SRSF11: variants seen among roughly 807,000 people sequenced by gnomAD.
SRSF11 encodes serine/arginine-rich splicing factor 11.
SRSF11 carries 9 observed loss-of-function variants against 56.0 expected under a neutral mutation model. The ratio of observed to expected loss-of-function variants is 0.16; its 90% CI spans 0.10 to 0.28. The LOEUF (loss-of-function observed/expected upper bound fraction) is 0.28, where lower values mean the gene tolerates loss of function less well. Among genes scored for constraint, SRSF11 ranks in the 10% least tolerant of loss-of-function variants. The pLI is 1.00. For synonymous variants in SRSF11, 222 were observed against 215.3 expected (o/e 1.03, Z -0.27); for missense variants, 421 against 600.7 (o/e 0.70, Z 3.13).
chr1:70,234,297 A>G (rs1259948113), intron 3 of SRSF11, among the ~76,000 whole-genome samples: 1 of 152,248 alleles, frequency 6.6e-6, no homozygotes, highest in Non-Finnish European at 1.5e-5. Context: ...AGCACAAAAC[A>G]GCAGGGCAAA....
intron 5 of SRSF11, among the ~76,000 whole-genome samples, chr1:70,235,817 G>A (rs964280588): frequency 1.3e-5 from 2 of 152,186 alleles, no homozygotes; most frequent in African/African-American, 2.4e-5. Context: ...GGACAACTTC[G>A]TTTGAAGATC....
chr1:70,231,393 T>G, intron 2 of SRSF11: 24 of 1,060,662 alleles, frequency 2.3e-5, no homozygotes, highest in Non-Finnish European at 2.7e-5. Flanking sequence ...ATATTTGTTT[T>G]AGGACCCTTA....
At chr1:70,234,128 G>A (rs927157938) in intron 3 of SRSF11, among the ~76,000 whole-genome samples, 4 of 152,130 alleles carry the variant, frequency 2.6e-5, no homozygotes, top group African/African-American at 7.2e-5. Flanking sequence ...GGGCTACTGG[G>A]TGTTTGACAT....
chr1:70,251,694 A>G lies in SRSF11; in HGVS notation c.*889A>G, dbSNP rs533454572. 2 of 152,700 alleles carry G rather than the reference A, an allele frequency of 1.3e-5. No individual in the cohort carries two copies. Among genetic ancestry groups the G allele is most frequent in the East Asian group, 3.9e-4 (2 of 5,184 alleles). 9.5% of individuals were successfully genotyped at this position (152,700 alleles called of 1,614,324 possible). A position where few individuals can be genotyped will look rare whatever the true frequency, so the allele number is the denominator to read the frequency against. ...ATTTGTTTTAAGCTCCGTGTTGGAA[A>G]AAAGGGGTAGTGCATTTTAAATTGA... On this transcript the variant is annotated 3_prime_UTR_variant, in exon 12 of 12. Coordinates refer to ENST00000370949, the MANE Select transcript of SRSF11 (RefSeq NM_001350605.2).
intron 2 of SRSF11, chr1:70,228,875 G>C (rs899341205): frequency 9.4e-7 from 1 of 1,068,068 alleles, no homozygotes; most frequent in African/African-American, 1.7e-5. Context: ...AAGCCCTGAA[G>C]GTAAATGATT....
At chr1:70,241,998 C>T (rs944271465) in intron 7 of SRSF11, among the ~76,000 whole-genome samples, 58 of 152,206 alleles carry the variant, frequency 3.8e-4, no homozygotes, top group African/African-American at 1.4e-3. Context: ...GAAACCCCGT[C>T]TCTCCTAAAA....
chr1:70,234,928 A>G, intron 4 of SRSF11, 140 bp downstream of exon 4: 1 of 621,300 alleles, frequency 1.6e-6, no homozygotes, highest in Non-Finnish European at 2.7e-6. Flanking sequence ...TCAGAGCTTT[A>G]AACAGTCACT....
At chr1:70,249,759 C>T in intron 9 of SRSF11, 193 bp from the exon 10 acceptor site, 1 of 529,298 alleles carries the variant, frequency 1.9e-6, no homozygotes, top group Non-Finnish European at 3.4e-6. Context: ...AGAGTTTCAC[C>T]ATGTTGCCCA....
chr1:70,215,090 G>A (rs908042395), intron 1 of SRSF11, among the ~76,000 whole-genome samples: 4 of 151,808 alleles, frequency 2.6e-5, no homozygotes, highest in Admixed American at 1.3e-4. Flanking sequence ...TAGAGGCGGG[G>A]TTTCGTCATT....
upstream of SRSF11, among the ~76,000 whole-genome samples, chr1:70,219,495 A>G (rs931496604): frequency 3.9e-5 from 6 of 152,174 alleles, no homozygotes; most frequent in Admixed American, 6.5e-5. Flanking sequence ...TAGACCATCA[A>G]TTTTTTTCCA....
chr1:70,217,602 T>G (rs1343518722), upstream of SRSF11, among the ~76,000 whole-genome samples: 1 of 152,192 alleles, frequency 6.6e-6, no homozygotes, highest in African/African-American at 2.4e-5. Context: ...AAGAAATTTG[T>G]GAGTTTTTTG....
chr1:70,244,784 G>A lies in SRSF11; in HGVS notation c.901G>A (p.Gly301Ser), dbSNP rs775320802. The A allele has an allele frequency of 1.4e-5, 22 of 1,614,000 alleles. No homozygotes were observed. Among genetic ancestry groups the A allele is most frequent in the South Asian group, 2.2e-5 (2 of 91,088 alleles). ...GAGAAGATCTCATTCCAGAGAAAGA[G>A]GTAGAAGGTCAAGGAGCACATCAAA... ...RRRRSHSRER[G>S]RRSRSTSKTR... The change falls in exon 8 of 12, where the codon GGT becomes AGT. Residue 301 changes from glycine to serine, a missense_variant. Gly to Ser is a moderately conservative substitution (Grantham distance 56). This residue lies in a region of SRSF11 where 253 missense variants were observed against 305.8 expected (regional missense o/e 0.83). Transcript: ENST00000370949.
chr1:70,224,711 C>T lies in SRSF11; in HGVS notation c.203+2872C>T, dbSNP rs996516943. 3.9e-5 allele frequency among the ~76,000 whole-genome samples: 6 copies of T among 152,272 alleles called. No homozygotes were observed. The East Asian group carries it at 5.8e-4, about 15-fold the overall frequency. On this transcript the variant is annotated intron_variant, in intron 1 of 11. Coordinates refer to ENST00000370949, the MANE Select transcript of SRSF11 (RefSeq NM_001350605.2). ...CCAGAATTTCTGGCCTGTAATTTTACTGAGAAATAGAAATACTATCTTTAC... is the reference window on the plus strand; with the variant it reads ...CCAGAATTTCTGGCCTGTAATTTTATTGAGAAATAGAAATACTATCTTTAC...
At chr1:70,245,923 G>A (rs568046653) in intron 8 of SRSF11, among the ~76,000 whole-genome samples, 1 of 152,104 alleles carries the variant, frequency 6.6e-6, no homozygotes, top group African/African-American at 2.4e-5. Flanking sequence ...AGGCATGACT[G>A]GGACCTACTA....
Position 70,228,567 on chromosome 1 carries a change from G to A in SRSF11, c.337+12G>A. The A allele has an allele frequency of 6.2e-7, 1 of 1,609,790 alleles. No individual in the cohort carries two copies. The highest frequency in any genetic ancestry group is 8.5e-7 in the Non-Finnish European group (1 of 1,177,880). On this transcript the variant is annotated intron_variant, in intron 2 of 11. Transcript: ENST00000370949. ...ACCATATGCAGAAGGTTTGTGCTTT[G>A]TTTAACTACCTATGTGGGCATCCTA...
intron 1 of SRSF11, among the ~76,000 whole-genome samples, chr1:70,208,347 TGA>T (rs989796195): frequency 1.7e-4 from 26 of 152,134 alleles, no homozygotes; most frequent in African/African-American, 5.8e-4. Context: ...TGTGTGTGTG[TGA>T]GTGAGATGGA....
At chr1:70,226,471 A>G (rs552469881) in intron 1 of SRSF11, among the ~76,000 whole-genome samples, 16 of 152,186 alleles carry the variant, frequency 1.1e-4, no homozygotes, top group South Asian at 2.1e-4. Flanking sequence ...AAAGAATACA[A>G]TTTGAGCACG....
At chr1:70,229,089 C>T (rs1246215380) in intron 2 of SRSF11, 2 of 1,129,214 alleles carry the variant, frequency 1.8e-6, no homozygotes, top group East Asian at 1.4e-4. Flanking sequence ...AGCTTAGGTG[C>T]CAAATGGGCA....
chr1:70,221,337 A>C (rs1670548026), upstream of SRSF11: 1 of 382,952 alleles, frequency 2.6e-6, no homozygotes, highest in Non-Finnish European at 4.7e-6. Context: ...GCCGACGCTG[A>C]CGCGCCCTGC....
Sources: gnomAD v4.1 joint callset for allele counts (sites outside exome capture counted in the v4.1 genomes callset) on GRCh38, gnomAD v4.1.1 for gene constraint, gnomAD v4.1.1 regional missense constraint, MANE v1.5 for transcripts, NCBI Gene and HGNC (gene_info 2026-07-23, HGNC 2026-07-21) for gene names.